Variants in PKD2L2 observed in about 807,000 individuals in gnomAD.
PKD2L2 encodes the protein polycystin-2-like protein 2.
PKD2L2 carries 67 observed loss-of-function variants against 83.9 expected under a neutral mutation model. The observed-to-expected ratio is 0.80, with a 90% CI of 0.66 to 0.98. PKD2L2 has a LOEUF of 0.98. PKD2L2 is among the 50% of genes least tolerant of loss of function. The probability of loss-of-function intolerance (pLI) is 0.00; values close to 1 mark genes in which losing one functional copy is unlikely to be tolerated. For missense variants in PKD2L2, 632 were observed against 717.2 expected, an observed-to-expected ratio of 0.88 and a Z score of 1.36; for synonymous variants, 223 against 237.8, an observed-to-expected ratio of 0.94 and a Z score of 0.57.
intron 12 of PKD2L2, among the ~76,000 whole-genome samples, chr5:137,927,012 G>A (rs558425328): frequency 1.3e-5 from 2 of 152,266 alleles, no homozygotes; most frequent in East Asian, 3.9e-4. Flanking sequence ...AAGAATGATG[G>A]AGTATCTGTT....
At chr5:137,916,321 G>A (rs1758340951) in intron 8 of PKD2L2, among the ~76,000 whole-genome samples, 1 of 151,874 alleles carries the variant, frequency 6.6e-6, no homozygotes, top group Admixed American at 6.6e-5. Flanking sequence ...GATTACAGGT[G>A]TGCACCATCA....
chr5:137,907,299 A>G (rs1313660645), intron 6 of PKD2L2, among the ~76,000 whole-genome samples: 1 of 152,244 alleles, frequency 6.6e-6, no homozygotes, highest in Non-Finnish European at 1.5e-5. Context: ...TCTGATAGCT[A>G]AAACAACCTG....
intron 12 of PKD2L2, among the ~76,000 whole-genome samples, chr5:137,927,623 G>A (rs1398865337): frequency 1.3e-5 from 2 of 152,210 alleles, no homozygotes; most frequent in African/African-American, 4.8e-5. Flanking sequence ...AAAAGAGGAT[G>A]TCCTTGTATG....
Position 137,894,546 on chromosome 5 carries a change from G to A in PKD2L2, c.461G>A (p.Cys154Tyr). 6.2e-7 allele frequency: 1 copy of A among 1,613,080 alleles called. No individual in the cohort carries two copies. The highest frequency in any genetic ancestry group is 1.7e-5 in the Admixed American group (1 of 60,024). Residue 154 changes from cysteine to tyrosine, a missense_variant, in exon 4 of 15, where the codon TGT becomes TAT. Physicochemically the swap from Cys to Tyr is radical, Grantham distance 194 (BLOSUM62 -2). Around this residue, in one of 3 missense-constraint regions of PKD2L2, gnomAD observed 229 missense variants for 281.5 expected, o/e 0.81. Transcript: ENST00000508883. Reference protein sequence around the residue: ...YSSFQSLMSECYGKYTSANED... With the variant: ...YSSFQSLMSEYYGKYTSANED... ...TCTTTTCAGTCTTTGATGAGTGAATGTTATGGCAAATATACTTCTGCAAAT... is the reference window on the plus strand; with the variant it reads ...TCTTTTCAGTCTTTGATGAGTGAATATTATGGCAAATATACTTCTGCAAAT...
intron 3 of PKD2L2, 26 bp from the exon 4 acceptor site, chr5:137,894,327 C>T (rs1367997112): frequency 1.3e-6 from 2 of 1,558,672 alleles, no homozygotes; most frequent in Non-Finnish European, 1.7e-6. Context: ...ATATTTTTCC[C>T]ATGACATTTG....
At chr5:137,925,834 A>G in intron 11 of PKD2L2, 41 bp from the exon 12 acceptor site, 2 of 1,298,500 alleles carry the variant, frequency 1.5e-6, no homozygotes, top group Non-Finnish European at 2.2e-6. Context: ...TTCCTTTCTT[A>G]TTGTCATTTG....
At chr5:137,898,280 T>A (rs551081874) in intron 4 of PKD2L2, among the ~76,000 whole-genome samples, 1 of 152,318 alleles carries the variant, frequency 6.6e-6, no homozygotes, top group South Asian at 2.1e-4. Context: ...AATTTAGTTA[T>A]ACACAGTTTA....
chr5:137,932,021 C>A (rs1411038873), intron 12 of PKD2L2, among the ~76,000 whole-genome samples: 2 of 152,176 alleles, frequency 1.3e-5, no homozygotes, highest in East Asian at 3.9e-4. Flanking sequence ...CAGCAATTAA[C>A]AAAATGTTCA....
At chr5:137,935,930 GACT>G in intron 13 of PKD2L2, 21 bp downstream of exon 13, 2 of 1,245,584 alleles carry the variant, frequency 1.6e-6, no homozygotes, top group Non-Finnish European at 2.4e-6. Flanking sequence ...GTTCTAACCA[GACT>G]ATTATGGGAT....
Position 137,936,350 on chromosome 5 carries a change from G to A in PKD2L2, c.1815G>A (p.Lys605=), listed in dbSNP as rs1454622596. 2.0e-6 allele frequency: 3 copies of A among 1,531,948 alleles called. No individual in the cohort carries two copies. In the African/African-American group the frequency reaches 4.1e-5, roughly 21 times the overall value. The allele number at this position is 1,531,948 out of a possible 1,614,324, so 94.9% of individuals were successfully genotyped here. The change falls in exon 14 of 15, where the codon AAG becomes AAA. Residue 605 remains lysine, a synonymous_variant. Coordinates refer to ENST00000508883, the MANE Select transcript of PKD2L2 (RefSeq NM_001300921.2). The stretch of plus-strand genomic sequence containing the variant: ...TTTTATATGCTGTGGAGCTGGAGAA[G>A]GAATTACACTACATCAATTTGAAGC... ...ELFLYAVELE[K]ELHYINLKLN...
Position 137,894,401 on chromosome 5 carries a change from A to G in PKD2L2, c.316A>G (p.Asn106Asp), listed in dbSNP as rs749224128. ...AGGTCTGTACTGGGATTCATGGTACAATAACCAGCAGCTGTATAATTTAAA... is the reference window on the plus strand; with the variant it reads ...AGGTCTGTACTGGGATTCATGGTACGATAACCAGCAGCTGTATAATTTAAA... ...LEGLYWDSWY[N>D]NQQLYNLKNS... Residue 106 changes from asparagine (N) to aspartate (D), a missense_variant, in exon 4 of 15, where the codon AAT becomes GAT. By Grantham distance (23) the Asn-to-Asp change is conservative. Transcript: ENST00000508883. 3 of 1,611,970 alleles carry G rather than the reference A, an allele frequency of 1.9e-6. No homozygotes were observed. In the East Asian group the frequency reaches 6.7e-5, roughly 36 times the overall value.
intron 10 of PKD2L2, 90 bp downstream of exon 10, chr5:137,923,611 G>T: frequency 1.3e-6 from 1 of 741,764 alleles, no homozygotes; most frequent in South Asian, 1.5e-5. Context: ...AATTCCAAGT[G>T]GTCGTGCTCT....
Position 137,935,797 on chromosome 5 carries a change from G to A in PKD2L2, c.1672G>A (p.Glu558Lys). Residue 558 changes from glutamate to lysine, a missense_variant and splice_region_variant, in exon 13 of 15, where the codon GAG becomes AAG. Around this residue, in one of 3 missense-constraint regions of PKD2L2, gnomAD observed 399 missense variants for 416.9 expected, o/e 0.96. Transcript: ENST00000508883. ...QARREGFDEN[E>K]IQNAEQMKKW... ...CTTTACTTGTCCTCTACCCTGACAG[G>A]AGATTCAAAACGCAGAGCAGATGAA... The A allele has an allele frequency of 6.4e-7, 1 of 1,552,884 alleles. No homozygotes were observed. The highest frequency in any genetic ancestry group is 8.9e-7 in the Non-Finnish European group (1 of 1,125,112).
chr5:137,928,729 G>A (rs866806370), intron 12 of PKD2L2, among the ~76,000 whole-genome samples: 14 of 152,162 alleles, frequency 9.2e-5, no homozygotes, highest in Non-Finnish European at 1.3e-4. Context: ...ACTGGGCCCA[G>A]GCTTTTCTTT....
At chr5:137,931,764 T>C (rs1001880957) in intron 12 of PKD2L2, among the ~76,000 whole-genome samples, 1 of 152,120 alleles carries the variant, frequency 6.6e-6, no homozygotes, top group African/African-American at 2.4e-5. Flanking sequence ...AGGGGTAAAG[T>C]CAAAACAATT....
In PKD2L2 at chr5:137,936,408, T is replaced by G; in HGVS notation, c.1873T>G (p.Ter625GluextTer2). ...NQVVRKVSAL[*>E] The stretch of plus-strand genomic sequence containing the variant: ...AGTGGTGAGAAAGGTTTCAGCTCTA[T>G]AGTATTGAGACAAGTGGAGGTAAGA... The change falls in exon 14 of 15, where the codon TAG becomes GAG. Residue 625 changes from the stop codon to glutamate, a stop_lost. Coordinates refer to ENST00000508883, the MANE Select transcript of PKD2L2 (RefSeq NM_001300921.2). 6.5e-7 allele frequency: 1 copy of G among 1,535,320 alleles called. No individual in the cohort carries two copies. The highest frequency in any genetic ancestry group is 8.7e-7 in the Non-Finnish European group (1 of 1,146,104).
At chr5:137,920,278 C>T (rs6899035) in intron 8 of PKD2L2, among the ~76,000 whole-genome samples, 110,403 of 152,070 alleles carry the variant, frequency 0.73, 41,034 homozygotes, top group East Asian at 0.97. Context: ...CTGATACGTC[C>T]AGTGAGACCA....
intron 2 of PKD2L2, 26 bp downstream of exon 2, chr5:137,890,608 G>T: frequency 1.0e-6 from 1 of 989,014 alleles, no homozygotes; most frequent in Non-Finnish European, 1.5e-6. Context: ...TAAAGATGCT[G>T]TTTGTTTGAA....
At chr5:137,903,679 CTAAA>C (rs1458278730) in intron 5 of PKD2L2, among the ~76,000 whole-genome samples, 1 of 152,144 alleles carries the variant, frequency 6.6e-6, no homozygotes, top group Non-Finnish European at 1.5e-5. Flanking sequence ...CTACATGTTC[CTAAA>C]TAAATTTTGA....
Sources: gnomAD v4.1 joint callset for allele counts (sites outside exome capture counted in the v4.1 genomes callset) on GRCh38, gnomAD v4.1.1 for gene constraint, gnomAD v4.1.1 regional missense constraint, MANE v1.5 for transcripts, NCBI Gene and HGNC (gene_info 2026-07-23, HGNC 2026-07-21) for gene names.